Variants in IPO9 observed in about 807,000 individuals in gnomAD.
IPO9 encodes importin-9.
Under a neutral mutation model 128.6 loss-of-function variants are expected in IPO9, and 28 were observed. That is an observed-to-expected ratio of 0.22 (90% confidence interval 0.16 to 0.30). IPO9 has a LOEUF of 0.30. IPO9 is among the 10% of genes least tolerant of loss of function. The pLI, the probability that IPO9 is intolerant of heterozygous loss-of-function variation, is 1.00. For missense variants in IPO9, 935 were observed against 1,293.9 expected (o/e 0.72, Z 4.26); for synonymous variants, 455 against 475.8 (o/e 0.96, Z 0.57).
chr1:201,839,560 CA>C (rs4025036), intron 1 of IPO9, among the ~76,000 whole-genome samples: 2,328 of 33,964 alleles, frequency 0.069, 9 homozygotes, highest in African/African-American at 0.11. Context: ...GACTCCATCT[CA>C]AAAAAAAAAA....
At position 201,858,433 on chromosome 1, in the gene IPO9, T is replaced by G; in HGVS notation, c.1222-14T>G. The G allele has an allele frequency of 6.9e-7, 1 of 1,458,688 alleles. No homozygotes were observed. Among genetic ancestry groups the G allele is most frequent in the Non-Finnish European group, 9.3e-7 (1 of 1,073,644 alleles). 90.4% of individuals were successfully genotyped at this position (1,458,688 alleles called of 1,614,324 possible). A position where few individuals can be genotyped will look rare whatever the true frequency, so the allele number is the denominator to read the frequency against. On this transcript the variant is annotated splice_polypyrimidine_tract_variant and intron_variant, in intron 11 of 23. Transcript: ENST00000361565. ...TGGGCACAAACAGATTTATTAGCTC[T>G]TCTCTCTCTATAGGCTGTGGCCACA...
At chr1:201,835,526 C>A (rs1413426574) in intron 1 of IPO9, among the ~76,000 whole-genome samples, 1 of 152,146 alleles carries the variant, frequency 6.6e-6, no homozygotes, top group Non-Finnish European at 1.5e-5. Context: ...AGGGTGAAAA[C>A]CCAGATTAAC....
chr1:201,854,726 C>A lies in IPO9; in HGVS notation c.810+12C>A, dbSNP rs774531144. 5.6e-6 allele frequency: 9 copies of A among 1,612,392 alleles called. No homozygotes were observed. The highest frequency in any genetic ancestry group is 4.0e-5 in the African/African-American group (3 of 74,806). The stretch of plus-strand genomic sequence containing the variant: ...TGGAGGTCCTAAAGGTAAACACTTA[C>A]TACCAATGAAATATTTGGAGTTTGA... On this transcript the variant is annotated intron_variant, in intron 7 of 23. Transcript: ENST00000361565.
chr1:201,868,562 T>G, intron 15 of IPO9, 86 bp from the exon 16 acceptor site: 1 of 1,447,142 alleles, frequency 6.9e-7, no homozygotes, highest in East Asian at 2.4e-5. Context: ...TTAACTTAGG[T>G]TAGGGCCAAA....
chr1:201,873,025 A>G (rs557521533), intron 20 of IPO9, 64 bp downstream of exon 20: 55 of 1,514,896 alleles, frequency 3.6e-5, no homozygotes, highest in Non-Finnish European at 4.8e-5. Context: ...TACCTGGGTG[A>G]AGGGAAGGAA....
intron 11 of IPO9, 79 bp from the exon 12 acceptor site, chr1:201,858,368 C>T (rs1245122239): frequency 1.4e-6 from 1 of 703,420 alleles, no homozygotes; most frequent in Non-Finnish European, 2.3e-6. Flanking sequence ...TCACTTCTAA[C>T]AGTCATGACT....
chr1:201,856,209 A>G (rs184231064), intron 10 of IPO9, among the ~76,000 whole-genome samples: 74 of 150,084 alleles, frequency 4.9e-4, no homozygotes, highest in African/African-American at 1.8e-3. Context: ...GGGCTCAAGC[A>G]ATCCACCCAC....
At chr1:201,854,510 C>T in intron 6 of IPO9, 85 bp from the exon 7 acceptor site, 2 of 1,535,610 alleles carry the variant, frequency 1.3e-6, no homozygotes, top group Non-Finnish European at 1.8e-6. Flanking sequence ...CTTTAGGTGC[C>T]TTTCAAATAT....
chr1:201,867,643 G>A (rs1680576706), intron 15 of IPO9, among the ~76,000 whole-genome samples: 1 of 151,522 alleles, frequency 6.6e-6, no homozygotes, highest in African/African-American at 2.4e-5. Context: ...GAGTGTTTAG[G>A]TAGTGGAATT....
intron 1 of IPO9, among the ~76,000 whole-genome samples, chr1:201,839,781 C>T (rs1680003188): frequency 6.6e-6 from 1 of 151,628 alleles, no homozygotes; most frequent in African/African-American, 2.4e-5. Context: ...GATCCAGAGA[C>T]AATAAAAGAA....
chr1:201,850,086 A>C (rs996618544), intron 4 of IPO9, among the ~76,000 whole-genome samples: 2 of 152,334 alleles, frequency 1.3e-5, no homozygotes, highest in South Asian at 2.1e-4. Context: ...ATTTATCTTG[A>C]TTTGGATGCT....
At chr1:201,869,826 C>G in intron 17 of IPO9, 108 bp downstream of exon 17, 2 of 1,323,296 alleles carry the variant, frequency 1.5e-6, no homozygotes, top group Non-Finnish European at 2.1e-6. Flanking sequence ...ACGGAATTCT[C>G]AACTCCATAT....
intron 1 of IPO9, among the ~76,000 whole-genome samples, chr1:201,839,455 G>A (rs1177800895): frequency 6.6e-6 from 1 of 151,712 alleles, no homozygotes; most frequent in Non-Finnish European, 1.5e-5. Flanking sequence ...CAACTACTCG[G>A]GAGGCTGAGG....
In IPO9 at chr1:201,847,292, C is replaced by T. The variant is rs1680139113; in HGVS notation, c.177C>T (p.His59=). The change falls in exon 2 of 24, where the codon CAC becomes CAT. Residue 59 remains histidine, a synonymous_variant. Transcript: ENST00000361565. Reference sequence around the variant, plus strand: ...TTTCTCTTTCAGAATTTGGTGTTCACTTGGCAGAACTGACTGTAGATCCCC... The same window carrying T: ...TTTCTCTTTCAGAATTTGGTGTTCATTTGGCAGAACTGACTGTAGATCCCC... ...VLEVTEEFGV[H]LAELTVDPQG... is the part of the protein sequence containing the mutation. The T allele has an allele frequency of 3.1e-6, 5 of 1,613,972 alleles. No individual in the cohort carries two copies. The highest frequency in any genetic ancestry group is 2.2e-5 in the East Asian group (1 of 44,884).
At chr1:201,836,093 CTGGG>C in intron 1 of IPO9, among the ~76,000 whole-genome samples, 1 of 132,790 alleles carries the variant, frequency 7.5e-6, no homozygotes, top group East Asian at 2.1e-4. Flanking sequence ...GCCCTCCAGC[CTGGG>C]TGACAGAGCA....
intron 1 of IPO9, among the ~76,000 whole-genome samples, chr1:201,829,970 A>G (rs1679801904): frequency 6.6e-6 from 1 of 152,250 alleles, no homozygotes; most frequent in Admixed American, 6.5e-5. Context: ...TATTTTAAAA[A>G]TAATTTGCCC....
chr1:201,874,729 A>T, intron 21 of IPO9, 103 bp from the exon 22 acceptor site: 5 of 795,072 alleles, frequency 6.3e-6, no homozygotes, highest in Non-Finnish European at 1.1e-5. Context: ...TACAAGCCAC[A>T]TTGCAGAAGC....
rs1292195484 is a variant in IPO9 at position 201,880,417 on chromosome 1, G to A, written c.*4363G>A. On this transcript the variant is annotated 3_prime_UTR_variant, in exon 24 of 24. Coordinates refer to ENST00000361565, the MANE Select transcript of IPO9 (RefSeq NM_018085.5). ...TGCCAGAGGAAGGCTAAGATGTAGAGGACAAATCGTGTCAAGGAAAAGAAG... is the reference window on the plus strand; with the variant it reads ...TGCCAGAGGAAGGCTAAGATGTAGAAGACAAATCGTGTCAAGGAAAAGAAG... The A allele has an allele frequency of 6.6e-6, 1 of 152,156 alleles. No homozygotes were observed. Among genetic ancestry groups the A allele is most frequent in the South Asian group, 2.1e-4 (1 of 4,824 alleles). 9.4% of individuals were successfully genotyped at this position (152,156 alleles called of 1,614,324 possible). A position where few individuals can be genotyped will look rare whatever the true frequency, so the allele number is the denominator to read the frequency against.
rs527972866 is a variant in IPO9, at chr1:201,829,172, G to T, written c.-38G>T. 5.5e-6 allele frequency: 8 copies of T among 1,451,106 alleles called. No homozygotes were observed. In the African/African-American group the frequency reaches 8.8e-5, roughly 16 times the overall value. The allele number at this position is 1,451,106 out of a possible 1,614,324, so 89.9% of individuals were successfully genotyped here. ...CGCGGGGGCCGTCATTCGGTGGCGG[G>T]TCCCGGCCGCGGGGCTGGCGGGCTG... is the stretch of plus-strand genomic sequence containing the variant. On this transcript the variant is annotated 5_prime_UTR_variant, in exon 1 of 24. Transcript: ENST00000361565.
Sources: allele counts gnomAD v4.1 joint callset (sites outside exome capture counted in the v4.1 genomes callset), GRCh38; gene constraint gnomAD v4.1.1; transcripts MANE v1.5; gene names NCBI Gene and HGNC (gene_info 2026-07-23, HGNC 2026-07-21).